The following NTRK2 variants were observed in gnomAD, a reference collection of about 807,000 sequenced individuals.
NTRK2 encodes BDNF/NT-3 growth factors receptor.
NTRK2 carries 13 observed loss-of-function variants against 94.5 expected under a neutral mutation model. The observed-to-expected ratio is 0.14, with a 90% CI of 0.09 to 0.22. The LOEUF (loss-of-function observed/expected upper bound fraction) is 0.22. Ranked by LOEUF, NTRK2 falls within the 10% of genes least tolerant of loss-of-function variation. The pLI is 1.00. For missense variants in NTRK2, 639 were observed against 1,071.2 expected (o/e 0.60, Z 5.63); for synonymous variants, 372 against 407.4 (o/e 0.91, Z 1.05).
At chr9:85,017,915 T>C (rs924480514) in intron 17 of NTRK2, among the ~76,000 whole-genome samples, 1 of 152,192 alleles carries the variant, frequency 6.6e-6, no homozygotes, top group Non-Finnish European at 1.5e-5. Flanking sequence ...TGAAATGAGC[T>C]CTTCTTTATA....
intron 12 of NTRK2, among the ~76,000 whole-genome samples, chr9:84,807,963 T>C (rs2071314337): frequency 1.3e-5 from 2 of 152,186 alleles, no homozygotes; most frequent in Admixed American, 1.3e-4. Flanking sequence ...GAATGCATAT[T>C]GCTTACAATT....
At chr9:84,974,352 TA>T (rs1826545599) in intron 17 of NTRK2, among the ~76,000 whole-genome samples, 1 of 152,200 alleles carries the variant, frequency 6.6e-6, no homozygotes, top group Admixed American at 6.5e-5. Context: ...TTTTATTAAA[TA>T]ATACACCCAA....
chr9:84,828,985 GT>G (rs754210014), intron 12 of NTRK2, among the ~76,000 whole-genome samples: 65 of 146,120 alleles, frequency 4.4e-4, no homozygotes, highest in African/African-American at 1.2e-3. Context: ...AATCTATGGT[GT>G]TTTTTTTTTG....
At chr9:84,807,036 C>T (rs2071201541) in intron 12 of NTRK2, among the ~76,000 whole-genome samples, 1 of 152,216 alleles carries the variant, frequency 6.6e-6, no homozygotes, top group South Asian at 2.1e-4. Context: ...TTGAACTCTC[C>T]CAATGACAAA....
chr9:84,987,028 A>G (rs1244786717), intron 17 of NTRK2, among the ~76,000 whole-genome samples: 3 of 152,182 alleles, frequency 2.0e-5, no homozygotes, highest in Admixed American at 6.5e-5. Flanking sequence ...GGGAGGGTAG[A>G]AAATCACACC....
chr9:84,969,137 C>T (rs941510063), intron 17 of NTRK2, among the ~76,000 whole-genome samples: 3 of 152,202 alleles, frequency 2.0e-5, no homozygotes, highest in African/African-American at 7.2e-5. Flanking sequence ...AAGACTTCCC[C>T]AGATTCCTAA....
chr9:84,836,776 G>A (rs192603458), intron 12 of NTRK2, among the ~76,000 whole-genome samples: 1 of 149,788 alleles, frequency 6.7e-6, no homozygotes, highest in Admixed American at 6.7e-5. Context: ...TTTCTGCGGT[G>A]GCACTGAGGC....
At chr9:84,844,643 C>CCA (rs1388344237) in intron 12 of NTRK2, among the ~76,000 whole-genome samples, 3 of 111,630 alleles carry the variant, frequency 2.7e-5, no homozygotes, top group East Asian at 5.0e-4. Flanking sequence ...CAATGTAATA[C>CCA]CTCACTCACA....
In NTRK2 at chr9:84,933,810, C is replaced by A. The variant is rs150956711; in HGVS notation, c.1634-352C>A. ...TTTGCCCTGCTGGACACACTGCTAA[C>A]AAATATATGCAAAGCATCTGGCTTA... On this transcript the variant is annotated intron_variant, in intron 14 of 18. Coordinates refer to ENST00000277120, the MANE Select transcript of NTRK2 (RefSeq NM_006180.6). 1.4e-3 allele frequency among the ~76,000 whole-genome samples: 211 copies of A among 152,330 alleles called. 2 individuals carry two copies. The East Asian group carries it at 0.019, about 14-fold the overall frequency.
intron 5 of NTRK2, 63 bp downstream of exon 5, chr9:84,707,975 T>C: frequency 7.3e-7 from 1 of 1,367,838 alleles, no homozygotes; most frequent in Non-Finnish European, 1.0e-6. Context: ...AATTAAGTAT[T>C]TTTCTTTTAA....
intron 15 of NTRK2, among the ~76,000 whole-genome samples, chr9:84,939,510 G>A (rs929837387): frequency 6.6e-6 from 1 of 152,124 alleles, no homozygotes; most frequent in African/African-American, 2.4e-5. Flanking sequence ...ATATAAAGGA[G>A]TGTGTTAGTT....
At chr9:84,720,564 T>G (rs1201096442) in intron 6 of NTRK2, among the ~76,000 whole-genome samples, 1 of 152,210 alleles carries the variant, frequency 6.6e-6, no homozygotes, top group African/African-American at 2.4e-5. Context: ...TTCATAAATT[T>G]GTGCGATGTT....
chr9:84,800,794 A>C (rs576632302), intron 12 of NTRK2, among the ~76,000 whole-genome samples: 58 of 152,232 alleles, frequency 3.8e-4, no homozygotes, highest in African/African-American at 1.2e-3. Context: ...CCCACCCTGT[A>C]GGTCTCTCAA....
chr9:84,817,949 G>A (rs1393135512), intron 12 of NTRK2, among the ~76,000 whole-genome samples: 3 of 152,056 alleles, frequency 2.0e-5, no homozygotes, highest in Middle Eastern at 3.2e-3. Context: ...TAAATGAGTG[G>A]CGTTGATGTA....
At chr9:84,890,637 A>G (rs933398527) in intron 14 of NTRK2, among the ~76,000 whole-genome samples, 2 of 152,260 alleles carry the variant, frequency 1.3e-5, no homozygotes, top group African/African-American at 4.8e-5. Flanking sequence ...ATTGCGAGAT[A>G]TAAATGAAAT....
chr9:84,919,924 A>G (rs1305616768), intron 14 of NTRK2, among the ~76,000 whole-genome samples: 2 of 152,212 alleles, frequency 1.3e-5, no homozygotes, highest in Non-Finnish European at 2.9e-5. Flanking sequence ...GGGAACAAAT[A>G]CAGTAAGTGA....
At chr9:84,922,071 T>G (rs927398469) in intron 14 of NTRK2, among the ~76,000 whole-genome samples, 1 of 152,172 alleles carries the variant, frequency 6.6e-6, no homozygotes, top group East Asian at 1.9e-4. Context: ...AGATATGACT[T>G]AGTGATAAAT....
intron 14 of NTRK2, among the ~76,000 whole-genome samples, chr9:84,902,336 G>T (rs2076955566): frequency 6.6e-6 from 1 of 151,952 alleles, no homozygotes; most frequent in Non-Finnish European, 1.5e-5. Context: ...TTTTTTGAAA[G>T]CCTCCAAGAG....
rs1372789059 is a variant in NTRK2 at position 84,874,090 on chromosome 9, G to T, written c.1633+6659G>T. ...CTGGGTATTTCCCAAGGCCCAGCCT[G>T]ACTGGAGTGTGTGTACCAACAGGAT... On this transcript the variant is annotated intron_variant, in intron 14 of 18. Coordinates refer to ENST00000277120, the MANE Select transcript of NTRK2 (RefSeq NM_006180.6). 7 of 1,064,506 alleles carry T rather than the reference G, an allele frequency of 6.6e-6. No homozygotes were observed. In the East Asian group the frequency reaches 3.0e-4, roughly 46 times the overall value. The allele number at this position is 1,064,506 out of a possible 1,614,324, so 65.9% of individuals were successfully genotyped here.
Sources: gnomAD v4.1 joint callset for allele counts (sites outside exome capture counted in the v4.1 genomes callset) on GRCh38, gnomAD v4.1.1 for gene constraint, MANE v1.5 for transcripts, NCBI Gene and HGNC (gene_info 2026-07-23, HGNC 2026-07-21) for gene names.